Variants in LRRTM4 observed in about 807,000 individuals in gnomAD.
LRRTM4 encodes the protein leucine-rich repeat transmembrane neuronal protein 4.
In LRRTM4, 25 loss-of-function variants were observed where a neutral mutation model predicts 47.6. That is an observed-to-expected ratio of 0.53 (90% CI 0.38 to 0.73). LRRTM4 has a LOEUF of 0.73. Among genes scored for constraint, LRRTM4 ranks in the 30% least tolerant of loss-of-function variants. LRRTM4 has a pLI of 0.00. For missense variants in LRRTM4, 638 were observed against 713.4 expected, an observed-to-expected ratio of 0.89 and a Z score of 1.20; for synonymous variants, 311 against 269.5, an observed-to-expected ratio of 1.15 and a Z score of -1.51.
At chr2:76,856,936 A>T (rs1294649313) in intron 3 of LRRTM4, among the ~76,000 whole-genome samples, 2 of 152,142 alleles carry the variant, frequency 1.3e-5, no homozygotes, top group Non-Finnish European at 2.9e-5. Flanking sequence ...TGTCGCAAAA[A>T]AAAATAAAAG....
intron 3 of LRRTM4, among the ~76,000 whole-genome samples, chr2:77,044,771 C>T (rs1181367112): frequency 6.6e-6 from 1 of 151,526 alleles, no homozygotes; most frequent in East Asian, 1.9e-4. Context: ...AATATCTACA[C>T]ATACATATGT....
chr2:77,062,776 T>C (rs970738535), intron 3 of LRRTM4, among the ~76,000 whole-genome samples: 1 of 152,086 alleles, frequency 6.6e-6, no homozygotes, highest in Non-Finnish European at 1.5e-5. Context: ...ATCTCCAAAG[T>C]TTAATCACTT....
At chr2:77,148,999 C>A (rs983443641) in intron 3 of LRRTM4, among the ~76,000 whole-genome samples, 16 of 152,216 alleles carry the variant, frequency 1.1e-4, no homozygotes, top group African/African-American at 3.6e-4. Context: ...TCTTAATCTG[C>A]AGTCCAAAAA....
chr2:76,797,133 C>A (rs867283407), intron 3 of LRRTM4, among the ~76,000 whole-genome samples: 1 of 151,910 alleles, frequency 6.6e-6, no homozygotes, highest in Non-Finnish European at 1.5e-5. Flanking sequence ...AGATACTCCT[C>A]GAGAAGAGCT....
intron 3 of LRRTM4, among the ~76,000 whole-genome samples, chr2:77,266,697 G>A (rs970185375): frequency 3.0e-4 from 45 of 152,046 alleles, no homozygotes; most frequent in African/African-American, 1.0e-3. Context: ...TGTCTGAAAG[G>A]CCCAGTGTTT....
intron 3 of LRRTM4, among the ~76,000 whole-genome samples, chr2:76,982,965 T>G (rs1183924965): frequency 6.6e-6 from 1 of 152,056 alleles, no homozygotes; most frequent in African/African-American, 2.4e-5. Context: ...AAGTTACAGA[T>G]AAGTAAATTG....
At chr2:77,023,535 A>C (rs1678346958) in intron 3 of LRRTM4, among the ~76,000 whole-genome samples, 1 of 152,220 alleles carries the variant, frequency 6.6e-6, no homozygotes, top group African/African-American at 2.4e-5. Flanking sequence ...ACAGCACCCA[A>C]GTAACCTCTT....
At chr2:76,983,537 A>G (rs1020565644) in intron 3 of LRRTM4, among the ~76,000 whole-genome samples, 5 of 151,904 alleles carry the variant, frequency 3.3e-5, no homozygotes, top group Admixed American at 6.6e-5. Context: ...TTCACTTTCC[A>G]TCATGATTGT....
intron 3 of LRRTM4, among the ~76,000 whole-genome samples, chr2:77,223,151 T>C (rs1260849358): frequency 6.6e-6 from 1 of 151,786 alleles, no homozygotes; most frequent in African/African-American, 2.4e-5. Flanking sequence ...TTTGAAAAAA[T>C]TCAACAACGC....
intron 3 of LRRTM4, among the ~76,000 whole-genome samples, chr2:77,084,220 C>T (rs1238193029): frequency 2.0e-5 from 3 of 152,134 alleles, no homozygotes; most frequent in Non-Finnish European, 4.4e-5. Context: ...AGAAAATTGA[C>T]CTTGTCTTTC....
intron 3 of LRRTM4, among the ~76,000 whole-genome samples, chr2:76,949,220 A>C (rs897425076): frequency 6.6e-5 from 10 of 151,916 alleles, no homozygotes; most frequent in African/African-American, 2.2e-4. Context: ...AATCCTCAAC[A>C]CTGAACCTGG....
chr2:77,462,370 A>C (rs1676821857), intron 3 of LRRTM4, among the ~76,000 whole-genome samples: 1 of 152,146 alleles, frequency 6.6e-6, no homozygotes, highest in South Asian at 2.1e-4. Flanking sequence ...ATAGTCTTCC[A>C]TCACATAGGA....
chr2:76,817,966 T>C (rs989357951), intron 3 of LRRTM4, among the ~76,000 whole-genome samples: 1 of 151,968 alleles, frequency 6.6e-6, no homozygotes, highest in African/African-American at 2.4e-5. Context: ...GACATAACAC[T>C]AAGGGGTTTC....
intron 3 of LRRTM4, among the ~76,000 whole-genome samples, chr2:76,770,456 A>G (rs911111648): frequency 6.6e-5 from 10 of 152,168 alleles, no homozygotes; most frequent in Admixed American, 2.0e-4. Context: ...TCTGGAGGGT[A>G]AGGTTTGTGT....
At chr2:77,139,105 C>A (rs1672038566) in intron 3 of LRRTM4, among the ~76,000 whole-genome samples, 1 of 152,078 alleles carries the variant, frequency 6.6e-6, no homozygotes, top group Non-Finnish European at 1.5e-5. Flanking sequence ...AAGAAGGAAT[C>A]CTCCCTAACA....
At chr2:77,028,889 G>C (rs1168270960) in intron 3 of LRRTM4, among the ~76,000 whole-genome samples, 2 of 150,998 alleles carry the variant, frequency 1.3e-5, no homozygotes. Flanking sequence ...CAAAAAATTA[G>C]CTGAGCGTGG....
rs1022606336 is a variant in LRRTM4 at position 77,373,384 on chromosome 2, T to G, written c.1551+144934A>C. On this transcript the variant is annotated intron_variant, in intron 3 of 3. Coordinates refer to ENST00000409884, the MANE Select transcript of LRRTM4 (RefSeq NM_001134745.3). ...CAATACTGAAAAAAACCATTTGTCT[T>G]AAATTGCCGTTTGCCTCCAGACTCA... Among the ~76,000 whole-genome samples the G allele has an allele frequency of 2.6e-5, 4 of 151,594 alleles. No homozygotes were observed. The South Asian group carries it at 8.3e-4, about 31-fold the overall frequency.
intron 3 of LRRTM4, among the ~76,000 whole-genome samples, chr2:77,300,654 A>G (rs1558676859): frequency 6.6e-6 from 1 of 152,200 alleles, no homozygotes; most frequent in Non-Finnish European, 1.5e-5. Flanking sequence ...ACATGCAAGC[A>G]TATCTTCATG....
At chr2:76,862,639 G>GCGTGCGCA (rs1672347706) in intron 3 of LRRTM4, among the ~76,000 whole-genome samples, 1 of 152,032 alleles carries the variant, frequency 6.6e-6, no homozygotes, top group Non-Finnish European at 1.5e-5. Flanking sequence ...ACGCGTGCGC[G>GCGTGCGCA]CGCACACACA....
Sources: allele counts gnomAD v4.1 joint callset (sites outside exome capture counted in the v4.1 genomes callset), GRCh38; gene constraint gnomAD v4.1.1; transcripts MANE v1.5; gene names NCBI Gene and HGNC (gene_info 2026-07-23, HGNC 2026-07-21).